TMEM276: variants seen among roughly 807,000 people sequenced by gnomAD.
TMEM276 encodes transmembrane protein 276.
At chr8:144,464,322 G>A in the TMEM276 span, 2 of 1,612,870 alleles carry the variant, frequency 1.2e-6, no homozygotes, top group Non-Finnish European at 1.7e-6. Flanking sequence ...CAGCTACAAT[G>A]AGGATGGTCA....
the TMEM276 span, chr8:144,466,322 G>T: frequency 3.1e-6 from 1 of 320,886 alleles, no homozygotes; most frequent in Non-Finnish European, 5.0e-6. Context: ...GGCGGCCGTC[G>T]CGAGCATGCG....
At chr8:144,464,178 G>GCCTA in the TMEM276 span, 1 of 1,613,088 alleles carries the variant, frequency 6.2e-7, no homozygotes. Context: ...AAGCCCAGCT[G>GCCTA]CCTACAGCCA....
the TMEM276 span, chr8:144,464,687 G>T: frequency 2.7e-5 from 43 of 1,573,484 alleles, 2 homozygotes; most frequent in South Asian, 4.4e-4. Flanking sequence ...AAGGGTTTGG[G>T]GCTTCCATGG....
chr8:144,466,641 C>A, the TMEM276 span: 5 of 988,892 alleles, frequency 5.1e-6, no homozygotes, highest in Admixed American at 3.9e-5. Context: ...GGACCCTCGG[C>A]TCGGCCCCGA....
the TMEM276 span, chr8:144,464,867 G>C: frequency 6.2e-7 from 1 of 1,612,738 alleles, no homozygotes. Context: ...ATGGGACAGG[G>C]CTGTGCTCCA....
chr8:144,464,951 C>T, the TMEM276 span: 37 of 1,598,064 alleles, frequency 2.3e-5, no homozygotes, highest in Admixed American at 5.1e-5. Context: ...AGATACTCAA[C>T]TTTGGAGAGG....
At chr8:144,466,610 G>A in the TMEM276 span, 1 of 847,812 alleles carries the variant, frequency 1.2e-6, no homozygotes. Flanking sequence ...CACGGGGCGC[G>A]GGGCGACGGG....
chr8:144,464,112 G>C, the TMEM276 span: 641 of 1,598,908 alleles, frequency 4.0e-4, 6 homozygotes, highest in South Asian at 6.9e-3. Flanking sequence ...AACCCTGCCT[G>C]GCTGTATCCA....
the TMEM276 span, chr8:144,464,502 G>A: frequency 1.2e-6 from 2 of 1,612,226 alleles, no homozygotes; most frequent in Admixed American, 3.3e-5. Flanking sequence ...CGATGACGGT[G>A]GCCACCCAGG....
chr8:144,464,924 A>G, the TMEM276 span: 1,509 of 1,609,378 alleles, frequency 9.4e-4, 1 homozygote, highest in Non-Finnish European at 1.2e-3. Context: ...GGCAGTATGT[A>G]CGAGGACACA....
chr8:144,464,976 G>A, the TMEM276 span: 19 of 1,568,866 alleles, frequency 1.2e-5, no homozygotes, highest in Non-Finnish European at 1.5e-5. Flanking sequence ...AAGCGCAGAA[G>A]CCAGCGACCT....
chr8:144,466,568 C>A, the TMEM276 span: 1 of 1,029,154 alleles, frequency 9.7e-7, no homozygotes. Flanking sequence ...CCTGCCCCAC[C>A]CCCACGCCGA....
the TMEM276 span, chr8:144,464,205 A>G: frequency 5.6e-6 from 9 of 1,613,132 alleles, no homozygotes; most frequent in East Asian, 1.1e-4. Context: ...AGCGACAGAC[A>G]TCCTCCTTCG....
chr8:144,466,851 T>A, the TMEM276 span: 3 of 1,537,014 alleles, frequency 2.0e-6, no homozygotes, highest in Non-Finnish European at 2.6e-6. Flanking sequence ...AGGTGCGGGC[T>A]GGGAGTCCCG....
the TMEM276 span, chr8:144,465,411 G>A: frequency 1.6e-5 from 16 of 1,014,654 alleles, no homozygotes; most frequent in African/African-American, 1.0e-4. Flanking sequence ...GCAACGCACC[G>A]CCCACCGCCG....
the TMEM276 span, chr8:144,464,689 C>T: frequency 3.2e-6 from 5 of 1,573,768 alleles, no homozygotes; most frequent in South Asian, 1.2e-5. Flanking sequence ...GGGTTTGGGG[C>T]TTCCATGGAG....
chr8:144,464,711 G>A, the TMEM276 span: 6 of 1,571,634 alleles, frequency 3.8e-6, no homozygotes, highest in South Asian at 1.1e-5. Flanking sequence ...CCTGGTCTTA[G>A]ACGCACTTCC....
At chr8:144,465,969 A>C in the TMEM276 span, 1 of 73,020 alleles carries the variant, frequency 1.4e-5, no homozygotes, top group Non-Finnish European at 2.6e-5. Flanking sequence ...CGAGGCTGCA[A>C]GGAACGGGGT....
At chr8:144,464,906 C>T in the TMEM276 span, 59 of 1,611,180 alleles carry the variant, frequency 3.7e-5, no homozygotes, top group Non-Finnish European at 4.8e-5. Context: ...GGCCATGGCA[C>T]CTCAGGCGGC....
Sources: allele counts gnomAD v4.1 joint callset, GRCh38; gene constraint gnomAD v4.1.1; transcripts MANE v1.5; gene names NCBI Gene and HGNC (gene_info 2026-07-23, HGNC 2026-07-21).